Variants in KIAA1671 observed in about 807,000 individuals in gnomAD.
KIAA1671 encodes uncharacterized protein KIAA1671.
KIAA1671 carries 52 observed loss-of-function variants against 131.2 expected under a neutral mutation model. The ratio of observed to expected loss-of-function variants is 0.40; its 90% CI spans 0.32 to 0.50. The LOEUF (loss-of-function observed/expected upper bound fraction) is 0.50. Ranked by LOEUF, KIAA1671 falls within the 20% of genes least tolerant of loss-of-function variation. The pLI, the probability that KIAA1671 is intolerant of heterozygous loss-of-function variation, is 0.73. For synonymous variants in KIAA1671, 1,003 were observed against 961.6 expected (o/e 1.04, Z -0.80); for missense variants, 2,360 against 2,364.2 (o/e 1.00, Z 0.04).
chr22:25,185,377 G>T (rs56819383), intron 11 of KIAA1671: 1 of 436,676 alleles, frequency 2.3e-6, no homozygotes, highest in Non-Finnish European at 4.0e-6. Flanking sequence ...TACATGGAAC[G>T]CCAGGGCACC....
intron 1 of KIAA1671, chr22:25,024,463 C>T (rs1925828946): frequency 1.3e-5 from 2 of 152,176 alleles, no homozygotes; most frequent in Non-Finnish European, 2.9e-5. Flanking sequence ...GAGCCTCTGG[C>T]TTGTGAAACT....
At chr22:25,047,087 C>T (rs1927279886) in intron 5 of KIAA1671, among the ~76,000 whole-genome samples, 1 of 151,548 alleles carries the variant, frequency 6.6e-6, no homozygotes, top group Non-Finnish European at 1.5e-5. Flanking sequence ...CCTCCCACCT[C>T]AGCCTCCCAA....
intron 6 of KIAA1671, among the ~76,000 whole-genome samples, chr22:25,144,162 C>G (rs1400656783): frequency 6.6e-6 from 1 of 152,168 alleles, no homozygotes; most frequent in Non-Finnish European, 1.5e-5. Context: ...TGCCCCTTCC[C>G]TTTTTTAACT....
intron 1 of KIAA1671, among the ~76,000 whole-genome samples, chr22:24,990,655 G>T (rs1189632929): frequency 6.6e-6 from 1 of 152,248 alleles, no homozygotes; most frequent in Non-Finnish European, 1.5e-5. Context: ...CACCATGTGG[G>T]ACACAGCAGG....
At chr22:25,135,212 GTC>G (rs1932620291) in intron 6 of KIAA1671, among the ~76,000 whole-genome samples, 4 of 152,204 alleles carry the variant, frequency 2.6e-5, no homozygotes, top group African/African-American at 4.8e-5. Context: ...TTTGAGATGA[GTC>G]TCGCTCTGTC....
At chr22:25,105,849 T>C (rs1930979136) in intron 6 of KIAA1671, among the ~76,000 whole-genome samples, 1 of 151,492 alleles carries the variant, frequency 6.6e-6, no homozygotes, top group South Asian at 2.1e-4. Context: ...CTCCACCACT[T>C]AATAGCTGTG....
chr22:24,985,499 C>T (rs967397445), intron 1 of KIAA1671, among the ~76,000 whole-genome samples: 2 of 152,054 alleles, frequency 1.3e-5, no homozygotes, highest in African/African-American at 4.8e-5. Context: ...GCCACCGCGC[C>T]CGGCTAATTT....
intron 5 of KIAA1671, 76 bp from the exon 6 acceptor site, chr22:25,049,154 C>T (rs1438201369): frequency 6.7e-7 from 1 of 1,498,308 alleles, no homozygotes; most frequent in African/African-American, 1.4e-5. Context: ...ACAGAATGGA[C>T]TCTTGGCATA....
chr22:25,179,514 C>T, intron 9 of KIAA1671: 1 of 1,608,712 alleles, frequency 6.2e-7, no homozygotes, highest in South Asian at 1.1e-5. Context: ...CGCTCGTGCT[C>T]GCGCGGCTCC....
At chr22:25,170,692 T>G in intron 6 of KIAA1671, 128 bp from the exon 7 acceptor site, 2 of 838,298 alleles carry the variant, frequency 2.4e-6, no homozygotes, top group Non-Finnish European at 3.9e-6. Flanking sequence ...TGGCCCCACT[T>G]AGGAAGGCAG....
At chr22:25,127,264 T>A (rs1202060972) in intron 6 of KIAA1671, among the ~76,000 whole-genome samples, 1 of 152,202 alleles carries the variant, frequency 6.6e-6, no homozygotes, top group Non-Finnish European at 1.5e-5. Flanking sequence ...CCACCAGGGC[T>A]GCTCACAGCT....
At position 25,041,537 on chromosome 22, in the gene KIAA1671, G is replaced by A; in HGVS notation, c.4395+12G>A. The A allele has an allele frequency of 6.6e-7, 1 of 1,507,386 alleles. No homozygotes were observed. Among genetic ancestry groups the A allele is most frequent in the Non-Finnish European group, 8.9e-7 (1 of 1,128,180 alleles). 93.4% of individuals were successfully genotyped at this position (1,507,386 alleles called of 1,614,324 possible). A position where few individuals can be genotyped will look rare whatever the true frequency, so the allele number is the denominator to read the frequency against. On this transcript the variant is annotated intron_variant, in intron 5 of 12. Coordinates refer to ENST00000358431, the MANE Select transcript of KIAA1671 (RefSeq NM_001145206.2). ...GAGACAGTCACAAGGTAAGTACCGA[G>A]ACACTTTTTAATTTTGTCAAACATG... is the stretch of plus-strand genomic sequence containing the variant.
At chr22:25,025,838 TG>T (rs1453298152) in intron 2 of KIAA1671, 54 bp downstream of exon 2, 22 of 152,382 alleles carry the variant, frequency 1.4e-4, no homozygotes, top group African/African-American at 5.3e-4. Context: ...TCCAAGGGCA[TG>T]GAGAGTGCCT....
chr22:25,008,876 G>A (rs1305599753), intron 1 of KIAA1671, among the ~76,000 whole-genome samples: 1 of 152,238 alleles, frequency 6.6e-6, no homozygotes. Context: ...CAGAGGCCCA[G>A]AAATAGGTCT....
intron 1 of KIAA1671, among the ~76,000 whole-genome samples, chr22:24,961,787 G>A (rs775240364): frequency 6.6e-6 from 1 of 152,240 alleles, no homozygotes; most frequent in Non-Finnish European, 1.5e-5. Context: ...AATAGAACCT[G>A]CCACAATTAT....
At chr22:25,019,935 G>A (rs895345270) in intron 1 of KIAA1671, among the ~76,000 whole-genome samples, 3 of 152,156 alleles carry the variant, frequency 2.0e-5, no homozygotes, top group Non-Finnish European at 4.4e-5. Context: ...ATGCTTGTAA[G>A]TCCTGGGTTG....
At chr22:24,991,874 T>G (rs1307516259) in intron 1 of KIAA1671, among the ~76,000 whole-genome samples, 1 of 152,022 alleles carries the variant, frequency 6.6e-6, no homozygotes. Context: ...CGGGGATGAG[T>G]GTAAATAAGC....
At chr22:25,089,636 T>C (rs1210852146) in intron 6 of KIAA1671, among the ~76,000 whole-genome samples, 1 of 152,172 alleles carries the variant, frequency 6.6e-6, no homozygotes, top group Non-Finnish European at 1.5e-5. Flanking sequence ...GTCCTGACTT[T>C]TCTTTTTCTC....
intron 6 of KIAA1671, among the ~76,000 whole-genome samples, chr22:25,098,453 A>G (rs1387311271): frequency 1.3e-5 from 2 of 152,252 alleles, no homozygotes; most frequent in African/African-American, 4.8e-5. Context: ...TTAGAGGGAC[A>G]GTAATAAATA....
Sources: allele counts gnomAD v4.1 joint callset (sites outside exome capture counted in the v4.1 genomes callset), GRCh38; gene constraint gnomAD v4.1.1; transcripts MANE v1.5; gene names NCBI Gene and HGNC (gene_info 2026-07-23, HGNC 2026-07-21).